ANKRD33B: variants seen among roughly 807,000 people sequenced by gnomAD.
The protein encoded by ANKRD33B is ankyrin repeat domain 33B, also known as ankyrin repeat domain-containing protein 33B.
ANKRD33B carries 6 observed loss-of-function variants against 21.5 expected under a neutral mutation model. The ratio of observed to expected loss-of-function variants is 0.28; its 90% confidence interval spans 0.15 to 0.55. The LOEUF is 0.55. ANKRD33B is among the 20% of genes least tolerant of loss of function. The pLI, the probability that ANKRD33B is intolerant of heterozygous loss-of-function variation, is 0.94. For synonymous variants in ANKRD33B, 347 were observed against 342.4 expected (o/e 1.01, Z -0.15); for missense variants, 698 against 747.2 (o/e 0.93, Z 0.77).
intron 3 of ANKRD33B, among the ~76,000 whole-genome samples, chr5:10,648,872 C>G (rs1396302015): frequency 6.6e-6 from 1 of 151,036 alleles, no homozygotes; most frequent in South Asian, 2.1e-4. Context: ...GGCTCACGCC[C>G]GTAATCCCAG....
chr5:10,621,025 A>G (rs1199227619), intron 2 of ANKRD33B, among the ~76,000 whole-genome samples: 3 of 152,000 alleles, frequency 2.0e-5, no homozygotes, highest in Non-Finnish European at 4.4e-5. Context: ...ACCATTACTC[A>G]TTTTTTAAAA....
At chr5:10,594,974 G>A (rs1251607381) in intron 1 of ANKRD33B, among the ~76,000 whole-genome samples, 1 of 152,228 alleles carries the variant, frequency 6.6e-6, no homozygotes, top group African/African-American at 2.4e-5. Context: ...CGGGTGATTG[G>A]TGGGACCCAG....
At position 10,576,906 on chromosome 5, in the gene ANKRD33B, A is replaced by C. The variant is rs1735333902; in HGVS notation, c.366+12073A>C. ...GGGGCTTCTGGTGCATCCTGTGGGC[A>C]CCTCGGATGACGCGAGGGTGGAGCC... On this transcript the variant is annotated intron_variant, in intron 1 of 3. Transcript: ENST00000296657. The surrounding 1 kb of genome is among the most constrained non-coding windows in gnomAD (Gnocchi z 4.1). Among the ~76,000 whole-genome samples the C allele has an allele frequency of 6.6e-6, 1 of 152,162 alleles. No individual in the cohort carries two copies. The highest frequency in any genetic ancestry group is 6.5e-5 in the Admixed American group (1 of 15,284).
rs546094460 is a variant in ANKRD33B, at chr5:10,582,181, T to G, written c.366+17348T>G. Among the ~76,000 whole-genome samples, 47 of 152,346 alleles carry G rather than the reference T, an allele frequency of 3.1e-4. 1 individual carries two copies. The highest frequency in any genetic ancestry group is 1.0e-3 in the African/African-American group (43 of 41,582). ...ACAGCCTGTCCAGTTCACAGGCCTG[T>G]GCTTAAAAGGGCCCTATGTCTGATG... On this transcript the variant is annotated intron_variant, in intron 1 of 3. Transcript: ENST00000296657.
chr5:10,578,312 G>C (rs981030286), intron 1 of ANKRD33B, among the ~76,000 whole-genome samples: 1 of 152,208 alleles, frequency 6.6e-6, no homozygotes, highest in Admixed American at 6.5e-5. Context: ...GCTGCACACA[G>C]AGTGCTGCCT....
rs1560985522 is a variant in ANKRD33B, at chr5:10,640,017, CGCGGCGATGTTAGCGGGTGACGT to C, written c.637+1851_637+1873del. Among the ~76,000 whole-genome samples, 13 of 85,730 alleles carry C rather than the reference CGCGGCGATGTTAGCGGGTGACGT, an allele frequency of 1.5e-4. 1 individual carries two copies. The highest frequency in any genetic ancestry group is 4.8e-4 in the Admixed American group (4 of 8,284). 56.2% of individuals were successfully genotyped at this position (85,730 alleles called of 152,430 possible). ...GATGTTAGCGGGTGACGTGGAGTTG[CGCGGCGATGTTAGCGGGTGACGT>C]GGAGTTGCACGGTGATGTTAGGCGG... On this transcript the variant is annotated intron_variant, in intron 3 of 3. Coordinates refer to ENST00000296657, the MANE Select transcript of ANKRD33B (RefSeq NM_001164440.2).
chr5:10,568,798 T>C (rs541959887), intron 1 of ANKRD33B, among the ~76,000 whole-genome samples: 323 of 152,278 alleles, frequency 2.1e-3, no homozygotes, highest in Non-Finnish European at 4.0e-3. Context: ...CCTCTGAAAG[T>C]TCTGGGATTA....
At chr5:10,595,932 C>T (rs374625785) in intron 1 of ANKRD33B, among the ~76,000 whole-genome samples, 25 of 152,172 alleles carry the variant, frequency 1.6e-4, no homozygotes, top group African/African-American at 4.8e-4. Context: ...GCAGGGGAAG[C>T]GCTTCCTGGA....
Position 10,657,117 on chromosome 5 carries a change from C to A in ANKRD33B, c.*7004C>A, listed in dbSNP as rs1456187630. 3 of 152,352 alleles carry A rather than the reference C, an allele frequency of 2.0e-5. No homozygotes were observed. Among genetic ancestry groups the A allele is most frequent in the Non-Finnish European group, 4.4e-5 (3 of 68,050 alleles). 9.4% of individuals were successfully genotyped at this position (152,352 alleles called of 1,614,324 possible). A position where few individuals can be genotyped will look rare whatever the true frequency, so the allele number is the denominator to read the frequency against. On this transcript the variant is annotated 3_prime_UTR_variant, in exon 4 of 4. Transcript: ENST00000296657. Reference sequence around the variant, plus strand: ...AGAAGTTCTAGAAGCTGATTTAGAACTACACAGCTATGGATACACCTGATG... The same window carrying A: ...AGAAGTTCTAGAAGCTGATTTAGAAATACACAGCTATGGATACACCTGATG...
At chr5:10,578,835 T>A (rs1735378843) in intron 1 of ANKRD33B, among the ~76,000 whole-genome samples, 1 of 152,212 alleles carries the variant, frequency 6.6e-6, no homozygotes, top group African/African-American at 2.4e-5. Context: ...TTACAGTGAC[T>A]CTACTAATAA....
At chr5:10,632,367 C>T (rs1273258351) in intron 2 of ANKRD33B, among the ~76,000 whole-genome samples, 1 of 152,144 alleles carries the variant, frequency 6.6e-6, no homozygotes, top group Non-Finnish European at 1.5e-5. Context: ...AGCACAGGAG[C>T]ACTGCTGGGG....
chr5:10,637,465 G>GACACACA (rs1736897638), intron 2 of ANKRD33B, among the ~76,000 whole-genome samples: 1 of 60,270 alleles, frequency 1.7e-5, no homozygotes, highest in Non-Finnish European at 3.6e-5. Context: ...CACACACACG[G>GACACACA]CGGCGGGGGG....
intron 1 of ANKRD33B, among the ~76,000 whole-genome samples, chr5:10,609,362 C>T (rs1040325558): frequency 2.0e-5 from 3 of 150,706 alleles, no homozygotes; most frequent in Non-Finnish European, 3.0e-5. Context: ...AGACCAGCCT[C>T]GGTAACATGG....
Position 10,619,505 on chromosome 5 carries a change from A to G in ANKRD33B, c.496+1043A>G, listed in dbSNP as rs533403497. ...GGATCTGATGGGTGGGGGGCCAGGG[A>G]GGCTGGAAAACCAGTGTTTGACAGT... is the stretch of plus-strand genomic sequence containing the variant. On this transcript the variant is annotated intron_variant, in intron 2 of 3. Transcript: ENST00000296657. The surrounding 1 kb of genome is among the most constrained non-coding windows in gnomAD (Gnocchi z 4.5). 2.2e-6 allele frequency: 1 copy of G among 450,168 alleles called. No homozygotes were observed. The highest frequency in any genetic ancestry group is 1.6e-4 in the East Asian group (1 of 6,448). The allele number at this position is 450,168 out of a possible 1,614,324, so 27.9% of individuals were successfully genotyped here. A position where few individuals can be genotyped will look rare whatever the true frequency, so the allele number is the denominator to read the frequency against.
At chr5:10,638,432 C>T (rs1736926375) in intron 3 of ANKRD33B, among the ~76,000 whole-genome samples, 1 of 152,212 alleles carries the variant, frequency 6.6e-6, no homozygotes, top group African/African-American at 2.4e-5. Flanking sequence ...TGTTTTCCTC[C>T]TGCCCACCCG....
chr5:10,640,934 A>G (rs1202848078), intron 3 of ANKRD33B, among the ~76,000 whole-genome samples: 1 of 152,196 alleles, frequency 6.6e-6, no homozygotes, highest in African/African-American at 2.4e-5. Flanking sequence ...CTCTTTCATA[A>G]GGCACTAGTT....
chr5:10,611,080 A>T (rs1736161385), intron 1 of ANKRD33B, among the ~76,000 whole-genome samples: 2 of 152,182 alleles, frequency 1.3e-5, no homozygotes, highest in African/African-American at 4.8e-5. Context: ...TATATTGTTT[A>T]TGGATACATG....
At position 10,647,950 on chromosome 5, in the gene ANKRD33B, C is replaced by T. The variant is rs139160706; in HGVS notation, c.638-1316C>T. ...CACTTAGATCCATGTTTGATTAAATCACTGGGTATTCTAGCCTAGCCAAGT... is the reference window on the plus strand; with the variant it reads ...CACTTAGATCCATGTTTGATTAAATTACTGGGTATTCTAGCCTAGCCAAGT... On this transcript the variant is annotated intron_variant, in intron 3 of 3. Coordinates refer to ENST00000296657, the MANE Select transcript of ANKRD33B (RefSeq NM_001164440.2). Among the ~76,000 whole-genome samples, 244 of 152,282 alleles carry T rather than the reference C, an allele frequency of 1.6e-3. 3 individuals are homozygous for T. The highest frequency in any genetic ancestry group is 5.8e-3 in the African/African-American group (241 of 41,538).
chr5:10,642,192 G>A (rs1737078065), intron 3 of ANKRD33B, among the ~76,000 whole-genome samples: 1 of 152,156 alleles, frequency 6.6e-6, no homozygotes, highest in African/African-American at 2.4e-5. Context: ...TCTCCTGGGG[G>A]TTTCAGGCAT....
Sources: gnomAD v4.1 joint callset for allele counts (sites outside exome capture counted in the v4.1 genomes callset) on GRCh38, gnomAD v4.1.1 for gene constraint, Gnocchi (gnomAD v3.1) non-coding constraint, MANE v1.5 for transcripts, NCBI Gene and HGNC (gene_info 2026-07-23, HGNC 2026-07-21) for gene names.